CNBD1: variants seen among roughly 807,000 people sequenced by gnomAD.
The protein encoded by CNBD1 is cyclic nucleotide-binding domain-containing protein 1.
A neutral mutation model predicts 54.4 loss-of-function variants in CNBD1; 71 were observed. That is an observed-to-expected ratio of 1.30 (90% confidence interval 1.08 to 1.59). CNBD1 has a LOEUF of 1.59. Among genes scored for constraint, CNBD1 ranks in the 40% most tolerant of loss-of-function variants. The probability of loss-of-function intolerance (pLI) is 0.00; values close to 1 mark genes in which losing one functional copy is unlikely to be tolerated. For synonymous variants in CNBD1, 182 were observed against 170.7 expected, an observed-to-expected ratio of 1.07 and a Z score of -0.51; for missense variants, 659 against 518.0, an observed-to-expected ratio of 1.27 and a Z score of -2.64.
intron 8 of CNBD1, among the ~76,000 whole-genome samples, chr8:87,350,750 A>G (rs1331451763): frequency 6.6e-6 from 1 of 152,054 alleles, no homozygotes; most frequent in Non-Finnish European, 1.5e-5. Flanking sequence ...AAGTTTTCAG[A>G]ATTAAATATT....
chr8:87,387,108 A>C (rs986949719), downstream of CNBD1, among the ~76,000 whole-genome samples: 1 of 152,208 alleles, frequency 6.6e-6, no homozygotes, highest in Non-Finnish European at 1.5e-5. Flanking sequence ...TGAAGGAAGC[A>C]CTAACATGGA....
intron 2 of CNBD1, among the ~76,000 whole-genome samples, chr8:87,414,752 C>G (rs1807808806): frequency 6.6e-6 from 1 of 150,860 alleles, no homozygotes; most frequent in Non-Finnish European, 1.5e-5. Flanking sequence ...ACTGGTGTGA[C>G]TTGAAAACTA....
intron 4 of CNBD1, among the ~76,000 whole-genome samples, chr8:87,091,795 A>G (rs1811207112): frequency 7.6e-6 from 1 of 132,258 alleles, no homozygotes; most frequent in Admixed American, 7.0e-5. Context: ...AATTTTACAT[A>G]AATTTTTTTT....
At chr8:87,071,243 A>G (rs1563457183) in intron 4 of CNBD1, among the ~76,000 whole-genome samples, 1 of 152,082 alleles carries the variant, frequency 6.6e-6, no homozygotes, top group Non-Finnish European at 1.5e-5. Flanking sequence ...GCAATTTTTC[A>G]CCACTTTCTA....
intron 4 of CNBD1, among the ~76,000 whole-genome samples, chr8:87,117,802 T>A (rs1345847690): frequency 6.6e-6 from 1 of 152,158 alleles, no homozygotes; most frequent in Non-Finnish European, 1.5e-5. Context: ...TTTGCAAATA[T>A]ATTTGGGTTA....
At chr8:86,917,363 G>A (rs539887592) in intron 3 of CNBD1, among the ~76,000 whole-genome samples, 1 of 152,238 alleles carries the variant, frequency 6.6e-6, no homozygotes, top group South Asian at 2.1e-4. Flanking sequence ...GAAAATTACT[G>A]CTGTACAGGA....
chr8:87,330,939 A>T (rs1478572288), intron 8 of CNBD1, among the ~76,000 whole-genome samples: 1 of 152,138 alleles, frequency 6.6e-6, no homozygotes, highest in East Asian at 1.9e-4. Flanking sequence ...TGATTCTTTG[A>T]TTCACTCTGA....
At chr8:86,951,566 C>T (rs1310498797) in intron 4 of CNBD1, among the ~76,000 whole-genome samples, 5 of 90,032 alleles carry the variant, frequency 5.6e-5, no homozygotes, top group Non-Finnish European at 9.9e-5. Flanking sequence ...GGTGACAGAG[C>T]GAGGCTCCGT....
intron 8 of CNBD1, among the ~76,000 whole-genome samples, chr8:87,328,397 A>G (rs977624272): frequency 6.6e-5 from 10 of 151,436 alleles, no homozygotes; most frequent in African/African-American, 2.2e-4. Context: ...TATTGTGTAT[A>G]ATTTTTTAAA....
intron 8 of CNBD1, among the ~76,000 whole-genome samples, chr8:87,332,014 A>G (rs200232120): frequency 6.9e-6 from 1 of 145,728 alleles, no homozygotes; most frequent in Non-Finnish European, 1.5e-5. Flanking sequence ...TGTAGGTTGC[A>G]TGTTCACTCT....
At chr8:87,391,176 G>T (rs972226725) in intron 2 of CNBD1, among the ~76,000 whole-genome samples, 1 of 152,002 alleles carries the variant, frequency 6.6e-6, no homozygotes, top group Non-Finnish European at 1.5e-5. Flanking sequence ...CAACAACATG[G>T]CATATGTATA....
At chr8:87,344,167 A>G (rs557260240) in intron 8 of CNBD1, among the ~76,000 whole-genome samples, 1 of 152,228 alleles carries the variant, frequency 6.6e-6, no homozygotes, top group Admixed American at 6.5e-5. Flanking sequence ...TATTTAACCC[A>G]ACATAATGTG....
At chr8:86,935,304 G>A (rs905468127) in intron 3 of CNBD1, among the ~76,000 whole-genome samples, 6 of 152,106 alleles carry the variant, frequency 3.9e-5, no homozygotes, top group Admixed American at 3.3e-4. Context: ...CCAAAGTGCT[G>A]GGATTACAGG....
At chr8:87,357,613 T>C (rs894885008) in intron 10 of CNBD1, among the ~76,000 whole-genome samples, 3 of 152,166 alleles carry the variant, frequency 2.0e-5, no homozygotes, top group African/African-American at 7.2e-5. Flanking sequence ...ATCTTGGAAA[T>C]TAATAACTTG....
At chr8:87,339,310 G>A (rs112151394) in intron 8 of CNBD1, among the ~76,000 whole-genome samples, 3,659 of 151,520 alleles carry the variant, frequency 0.024, 148 homozygotes, top group African/African-American at 0.081. Flanking sequence ...TGGAGTTTTT[G>A]TGTCTCAGGC....
intron 6 of CNBD1, among the ~76,000 whole-genome samples, chr8:87,275,999 A>G (rs1312868150): frequency 3.3e-5 from 5 of 151,952 alleles, no homozygotes; most frequent in Admixed American, 3.3e-4. Flanking sequence ...AAACCTAGGA[A>G]TCCACCTTAC....
At chr8:87,019,653 G>A (rs773030545) in intron 4 of CNBD1, among the ~76,000 whole-genome samples, 9 of 152,182 alleles carry the variant, frequency 5.9e-5, no homozygotes, top group Middle Eastern at 3.4e-3. Flanking sequence ...CGAGGTGGGC[G>A]GATCACCTAA....
At chr8:87,321,618 A>G (rs1809534783) in intron 8 of CNBD1, among the ~76,000 whole-genome samples, 1 of 152,062 alleles carries the variant, frequency 6.6e-6, no homozygotes, top group Non-Finnish European at 1.5e-5. Flanking sequence ...TAGTCTGCAA[A>G]TATTTTCTCT....
intron 8 of CNBD1, among the ~76,000 whole-genome samples, chr8:87,306,412 AAAAT>A (rs1809147176): frequency 1.3e-5 from 2 of 152,200 alleles, no homozygotes; most frequent in African/African-American, 4.8e-5. Context: ...TACTCAGAAG[AAAAT>A]AAGTTATTAT....
Sources: allele counts gnomAD v4.1 joint callset (sites outside exome capture counted in the v4.1 genomes callset), GRCh38; gene constraint gnomAD v4.1.1; transcripts MANE v1.5; gene names NCBI Gene and HGNC (gene_info 2026-07-23, HGNC 2026-07-21).